The following MAN1A2 variants were observed in gnomAD, a reference collection of about 807,000 sequenced individuals.
MAN1A2 encodes the protein mannosidase alpha class 1A member 2.
Under a neutral mutation model 75.7 loss-of-function variants are expected in MAN1A2, and 26 were observed. The ratio of observed to expected loss-of-function variants is 0.34; its 90% CI spans 0.25 to 0.48. MAN1A2 has a LOEUF of 0.48. MAN1A2 is among the 20% of genes least tolerant of loss of function. The pLI is 0.99. For missense variants in MAN1A2, 562 were observed against 775.5 expected, an observed-to-expected ratio of 0.72 and a Z score of 3.27; for synonymous variants, 247 against 264.6, an observed-to-expected ratio of 0.93 and a Z score of 0.65.
Position 117,523,466 on chromosome 1 carries a change from A to G in MAN1A2, c.*509A>G, listed in dbSNP as rs960420186. 7.4e-6 allele frequency: 2 copies of G among 269,316 alleles called. No homozygotes were observed. The highest frequency in any genetic ancestry group is 4.6e-5 in the African/African-American group (2 of 43,952). 16.7% of individuals were successfully genotyped at this position (269,316 alleles called of 1,614,324 possible). ...ACAAGAACAAAAGAATAGTATAATTATATCAGTAACAAGAAGACTCAAAAA... is the reference window on the plus strand; with the variant it reads ...ACAAGAACAAAAGAATAGTATAATTGTATCAGTAACAAGAAGACTCAAAAA... On this transcript the variant is annotated 3_prime_UTR_variant, in exon 13 of 13. Transcript: ENST00000356554.
chr1:117,499,590 T>C, intron 11 of MAN1A2, 36 bp downstream of exon 11: 1 of 1,537,620 alleles, frequency 6.5e-7, no homozygotes, highest in Non-Finnish European at 8.8e-7. Flanking sequence ...TCTGCAAGAG[T>C]GTTAACTCAT....
rs1651928876 is a variant in MAN1A2 at position 117,523,584 on chromosome 1, A to C, written c.*627A>C. The C allele has an allele frequency of 6.1e-6, 1 of 164,330 alleles. No homozygotes were observed. Among genetic ancestry groups the C allele is most frequent in the Non-Finnish European group, 1.3e-5 (1 of 75,570 alleles). The allele number at this position is 164,330 out of a possible 1,614,324, so 10.2% of individuals were successfully genotyped here. A position where few individuals can be genotyped will look rare whatever the true frequency, so the allele number is the denominator to read the frequency against. On this transcript the variant is annotated 3_prime_UTR_variant, in exon 13 of 13. Transcript: ENST00000356554. The stretch of plus-strand genomic sequence containing the variant: ...TTTCAAATCCCAGTCTATTTCATTG[A>C]AATTTCTTGGTTAAGTTTAATTTTC...
intron 5 of MAN1A2, among the ~76,000 whole-genome samples, chr1:117,421,724 T>A (rs758673868): frequency 1.6e-4 from 24 of 152,076 alleles, no homozygotes; most frequent in Non-Finnish European, 2.6e-4. Flanking sequence ...TTATATTGTG[T>A]GATTTGTTTA....
Position 117,367,656 on chromosome 1 carries a change from A to T in MAN1A2, c.-528A>T, listed in dbSNP as rs770070486. Reference sequence around the variant, plus strand: ...CCCAGCGCCGCTGCTTCGGCTTCCCAGCGAAGTGGGAGACCTTCCTCCCTG... The same window carrying T: ...CCCAGCGCCGCTGCTTCGGCTTCCCTGCGAAGTGGGAGACCTTCCTCCCTG... On this transcript the variant is annotated 5_prime_UTR_variant, in exon 1 of 13. Transcript: ENST00000356554. 3 of 152,342 alleles carry T rather than the reference A, an allele frequency of 2.0e-5. No homozygotes were observed. Among genetic ancestry groups the T allele is most frequent in the Non-Finnish European group, 4.4e-5 (3 of 68,138 alleles). The allele number at this position is 152,342 out of a possible 1,614,324, so 9.4% of individuals were successfully genotyped here.
At chr1:117,463,127 AT>A (rs1649875065) in intron 7 of MAN1A2, among the ~76,000 whole-genome samples, 2 of 150,746 alleles carry the variant, frequency 1.3e-5, no homozygotes, top group Admixed American at 6.6e-5. Flanking sequence ...GTTAAAAATT[AT>A]TTTTATATCA....
intron 5 of MAN1A2, among the ~76,000 whole-genome samples, chr1:117,441,250 T>C (rs889271579): frequency 6.6e-6 from 1 of 152,120 alleles, no homozygotes; most frequent in Non-Finnish European, 1.5e-5. Flanking sequence ...ATATTTTCTA[T>C]CCCCAGTAAT....
intron 4 of MAN1A2, among the ~76,000 whole-genome samples, chr1:117,416,605 G>A (rs1648000591): frequency 6.6e-6 from 1 of 152,132 alleles, no homozygotes; most frequent in Admixed American, 6.5e-5. Context: ...AGGATTTAAT[G>A]TTTAGAATTG....
chr1:117,449,307 C>T (rs1649333479), intron 6 of MAN1A2, among the ~76,000 whole-genome samples: 1 of 152,010 alleles, frequency 6.6e-6, no homozygotes, highest in South Asian at 2.1e-4. Flanking sequence ...ACCTGTAATC[C>T]CAGCATTTTG....
At chr1:117,463,334 T>A (rs1027472486) in intron 7 of MAN1A2, among the ~76,000 whole-genome samples, 1 of 152,076 alleles carries the variant, frequency 6.6e-6, no homozygotes, top group African/African-American at 2.4e-5. Flanking sequence ...AGCCAACTCC[T>A]AGTATTCCCT....
At chr1:117,494,472 G>A (rs543700251) in intron 9 of MAN1A2, 1 of 151,990 alleles carries the variant, frequency 6.6e-6, no homozygotes, top group South Asian at 2.1e-4. Flanking sequence ...TATAATTTCT[G>A]TTTGGTTTGT....
chr1:117,485,356 A>G (rs933120947), intron 8 of MAN1A2, among the ~76,000 whole-genome samples: 3 of 152,006 alleles, frequency 2.0e-5, no homozygotes, highest in African/African-American at 7.2e-5. Flanking sequence ...TAACGTCACC[A>G]CTGTGGCCAT....
Position 117,442,223 on chromosome 1 carries a change from A to C in MAN1A2, c.856-8A>C, listed in dbSNP as rs1339523261. On this transcript the variant is annotated splice_region_variant and splice_polypyrimidine_tract_variant and intron_variant, in intron 5 of 12. Coordinates refer to ENST00000356554, the MANE Select transcript of MAN1A2 (RefSeq NM_006699.5). ...ATAATTTATGAATATTCATGTTTTA[A>C]ATCTCAGATATTCAAGATTAAAGCA... 6.5e-7 allele frequency: 1 copy of C among 1,543,326 alleles called. No individual in the cohort carries two copies. The highest frequency in any genetic ancestry group is 1.1e-5 in the South Asian group (1 of 89,622).
chr1:117,434,849 T>C (rs1031564416), intron 5 of MAN1A2, among the ~76,000 whole-genome samples: 2 of 150,972 alleles, frequency 1.3e-5, no homozygotes, highest in African/African-American at 4.9e-5. Context: ...TAATGGCACC[T>C]TGGACTAAGA....
In MAN1A2 at chr1:117,376,314, CAA is replaced by C. The variant is rs1275172621; in HGVS notation, c.302+7830_302+7831del. 2.4e-3 allele frequency among the ~76,000 whole-genome samples: 371 copies of C among 152,144 alleles called. 1 individual carries two copies. The highest frequency in any genetic ancestry group is 8.6e-3 in the African/African-American group (356 of 41,508). ...GGCAGACATCCGGTCCAGCATGACT[CAA>C]GTGAGTTTGGAGTGCAGGCATACAG... On this transcript the variant is annotated intron_variant, in intron 1 of 12. Coordinates refer to ENST00000356554, the MANE Select transcript of MAN1A2 (RefSeq NM_006699.5).
chr1:117,414,745 G>A lies in MAN1A2; in HGVS notation c.688G>A (p.Ala230Thr). Residue 230 changes from alanine to threonine, a missense_variant, in exon 4 of 13, where the codon GCT becomes ACT. Ala to Thr is a moderately conservative substitution (Grantham distance 58). This residue lies in a region of MAN1A2 where 434 missense variants were observed against 645.7 expected (regional missense o/e 0.67). Transcript: ENST00000356554. ...ACAAATGGGTGCTACCATAGTAGAT[G>A]CTTTGGATACCCTTTATATCATGGG... ...SSQMGATIVD[A>T]LDTLYIMGLH... is the part of the protein sequence containing the mutation. The A allele has an allele frequency of 6.2e-7, 1 of 1,607,626 alleles. No individual in the cohort carries two copies. Among genetic ancestry groups the A allele is most frequent in the Non-Finnish European group, 8.5e-7 (1 of 1,174,974 alleles).
chr1:117,507,328 C>CT (rs757150807), intron 12 of MAN1A2, among the ~76,000 whole-genome samples: 1 of 151,572 alleles, frequency 6.6e-6, no homozygotes, highest in Non-Finnish European at 1.5e-5. Context: ...GTCATGAAAG[C>CT]TAGAAGCATT....
chr1:117,517,725 A>T (rs1651753857), intron 12 of MAN1A2, among the ~76,000 whole-genome samples: 1 of 152,086 alleles, frequency 6.6e-6, no homozygotes, highest in South Asian at 2.1e-4. Flanking sequence ...CCCCCAAAAA[A>T]ACCCTTTTTT....
At chr1:117,522,801 C>G (rs185155478) in intron 12 of MAN1A2, 24 bp from the exon 13 acceptor site, 1 of 1,605,736 alleles carries the variant, frequency 6.2e-7, no homozygotes, top group Non-Finnish European at 8.5e-7. Context: ...AACTGAAGCT[C>G]ATTTCTCCCC....
At chr1:117,394,057 A>G (rs970263202) in intron 1 of MAN1A2, among the ~76,000 whole-genome samples, 1 of 148,928 alleles carries the variant, frequency 6.7e-6, no homozygotes, top group Non-Finnish European at 1.5e-5. Context: ...TAGAACTCCT[A>G]TTGCCTGTGA....
Sources: gnomAD v4.1 joint callset for allele counts (sites outside exome capture counted in the v4.1 genomes callset) on GRCh38, gnomAD v4.1.1 for gene constraint, gnomAD v4.1.1 regional missense constraint, MANE v1.5 for transcripts, NCBI Gene and HGNC (gene_info 2026-07-23, HGNC 2026-07-21) for gene names.